RIMS3: variants seen among roughly 807,000 people sequenced by gnomAD.
RIMS3 encodes the protein regulating synaptic membrane exocytosis protein 3.
In RIMS3, 15 loss-of-function variants were observed where a neutral mutation model predicts 29.2. The ratio of observed to expected loss-of-function variants is 0.51; its 90% CI spans 0.34 to 0.79. The LOEUF is 0.79. RIMS3 is among the 30% of genes least tolerant of loss of function. RIMS3 has a pLI of 0.01. For synonymous variants in RIMS3, 161 were observed against 170.1 expected, an observed-to-expected ratio of 0.95 and a Z score of 0.41; for missense variants, 342 against 421.4, an observed-to-expected ratio of 0.81 and a Z score of 1.65.
intron 1 of RIMS3, among the ~76,000 whole-genome samples, chr1:40,655,075 ACT>A (rs1325487891): frequency 6.6e-6 from 1 of 152,098 alleles, no homozygotes; most frequent in East Asian, 1.9e-4. Context: ...GGATAAATCC[ACT>A]GTGTCCTCCG....
At chr1:40,672,546 C>T in the RIMS3 span, among the ~76,000 whole-genome samples, 1 of 152,098 alleles carries the variant, frequency 6.6e-6, no homozygotes, top group Non-Finnish European at 1.5e-5. Flanking sequence ...CATAGGATTC[C>T]AAGTGTTAAG....
At chr1:40,663,700 G>A (rs1336099636) in intron 1 of RIMS3, among the ~76,000 whole-genome samples, 1 of 152,156 alleles carries the variant, frequency 6.6e-6, no homozygotes, top group Non-Finnish European at 1.5e-5. Context: ...GACCAGAAGC[G>A]TCGTTGAGCA....
the RIMS3 span, chr1:40,691,648 G>T: frequency 2.3e-6 from 1 of 434,968 alleles, no homozygotes; most frequent in African/African-American, 2.1e-5. Flanking sequence ...TCTGCGCACC[G>T]CACGATACTG....
chr1:40,648,119 C>G (rs986706939), intron 1 of RIMS3, among the ~76,000 whole-genome samples: 4 of 152,196 alleles, frequency 2.6e-5, no homozygotes, highest in African/African-American at 9.7e-5. Flanking sequence ...GGACCAACTG[C>G]TAAGGAGCTC....
At chr1:40,639,239 G>A (rs1020262961) in intron 3 of RIMS3, among the ~76,000 whole-genome samples, 4 of 152,162 alleles carry the variant, frequency 2.6e-5, no homozygotes, top group Non-Finnish European at 4.4e-5. Context: ...CAGGAGTGGG[G>A]GCACCCTTCT....
At chr1:40,641,043 T>C (rs1030302109) in intron 3 of RIMS3, among the ~76,000 whole-genome samples, 2 of 152,244 alleles carry the variant, frequency 1.3e-5, no homozygotes, top group Non-Finnish European at 2.9e-5. Context: ...TTTGTGTGTG[T>C]CTCCCTTGTG....
chr1:40,676,904 T>C, the RIMS3 span, among the ~76,000 whole-genome samples: 1 of 152,142 alleles, frequency 6.6e-6, no homozygotes. Context: ...CTGGATAATA[T>C]CTATCACTTC....
At chr1:40,661,565 C>G (rs943963808) in intron 1 of RIMS3, among the ~76,000 whole-genome samples, 3 of 152,156 alleles carry the variant, frequency 2.0e-5, no homozygotes, top group African/African-American at 7.2e-5. Flanking sequence ...TGAAACCAGC[C>G]CTGCTCCCAC....
intron 3 of RIMS3, among the ~76,000 whole-genome samples, chr1:40,639,397 T>G (rs749594192): frequency 7.9e-5 from 12 of 152,112 alleles, no homozygotes. Context: ...GAGAAGGAAT[T>G]CTAGATGGAG....
upstream of RIMS3, among the ~76,000 whole-genome samples, chr1:40,670,609 T>TATATATATATATATATATA (rs55692608): frequency 2.8e-3 from 381 of 135,506 alleles, 1 homozygote; most frequent in African/African-American, 3.4e-3. Flanking sequence ...TATATATATA[T>TATATATATATATATATATA]TTGAGATGGA....
chr1:40,689,712 G>A, the RIMS3 span, among the ~76,000 whole-genome samples: 1 of 152,188 alleles, frequency 6.6e-6, no homozygotes, highest in Non-Finnish European at 1.5e-5. Context: ...GGGAAGGGCG[G>A]AGGCTATTGA....
At chr1:40,634,101 G>A (rs1321133524) in intron 4 of RIMS3, among the ~76,000 whole-genome samples, 1 of 152,080 alleles carries the variant, frequency 6.6e-6, no homozygotes, top group Non-Finnish European at 1.5e-5. Context: ...GGGAGGGTTG[G>A]CCCTGCCAAC....
chr1:40,645,495 T>C (rs1646589101), intron 2 of RIMS3, among the ~76,000 whole-genome samples: 1 of 152,092 alleles, frequency 6.6e-6, no homozygotes, highest in Non-Finnish European at 1.5e-5. Flanking sequence ...CAACCAAAAA[T>C]GGAGGCCCGG....
Position 40,622,239 on chromosome 1 carries a change from C to CT in RIMS3, c.*4277dup, listed in dbSNP as rs1464326507. 6.5e-6 allele frequency: 1 copy of CT among 152,732 alleles called. No homozygotes were observed. The highest frequency in any genetic ancestry group is 1.5e-5 in the Non-Finnish European group (1 of 68,080). The allele number at this position is 152,732 out of a possible 1,614,324, so 9.5% of individuals were successfully genotyped here. On this transcript the variant is annotated 3_prime_UTR_variant, in exon 8 of 8. Transcript: ENST00000372684. ...TCTCTTTGGCATCACTGACATTGCTCTGAGATGCTCAGGCACGCTTTTAAA... is the reference window on the plus strand; with the variant it reads ...TCTCTTTGGCATCACTGACATTGCTCTTGAGATGCTCAGGCACGCTTTTAAA...
rs1642246049 is a variant in RIMS3, at chr1:40,654,607, C to T, written c.-206-6765G>A. On this transcript the variant is annotated intron_variant, in intron 1 of 7. Coordinates refer to ENST00000372684, the MANE Select transcript of RIMS3 (RefSeq NM_014747.3). This position sits in a 1 kb window ranked among gnomAD's most constrained non-coding sequence, Gnocchi z 5.3. ...CACAGACTCACATGGCATGGAGATGCAGCTACCACAGACTCACACACATCA... is the reference window on the plus strand; with the variant it reads ...CACAGACTCACATGGCATGGAGATGTAGCTACCACAGACTCACACACATCA... Among the ~76,000 whole-genome samples, 1 of 151,934 alleles carries T rather than the reference C, an allele frequency of 6.6e-6. No individual in the cohort carries two copies. The highest frequency in any genetic ancestry group is 2.1e-4 in the South Asian group (1 of 4,812).
At chr1:40,629,617 C>T (rs1646476965) in intron 5 of RIMS3, among the ~76,000 whole-genome samples, 1 of 152,148 alleles carries the variant, frequency 6.6e-6, no homozygotes, top group African/African-American at 2.4e-5. Flanking sequence ...GACTGGGTAA[C>T]AACAGATGGC....
intron 5 of RIMS3, among the ~76,000 whole-genome samples, chr1:40,632,525 T>C (rs1646496237): frequency 6.7e-6 from 1 of 149,096 alleles, no homozygotes; most frequent in South Asian, 2.1e-4. Context: ...ACTGTACTTA[T>C]AATACCTAAC....
intron 1 of RIMS3, among the ~76,000 whole-genome samples, chr1:40,658,886 G>A (rs1404063296): frequency 6.6e-6 from 1 of 152,200 alleles, no homozygotes; most frequent in Non-Finnish European, 1.5e-5. Flanking sequence ...GCTGGTTTGA[G>A]TGGGTTTCTG....
At position 40,626,532 on chromosome 1, in the gene RIMS3, G is replaced by A; in HGVS notation, c.912C>T (p.Ser304=). Residue 304 remains serine, a synonymous_variant, in exon 8 of 8, where the codon AGC becomes AGT. Transcript: ENST00000372684. ...CCTGACATCCTTAAGAGCATGAGGG[G>A]CTGGTGGCACTCTCCAGGGAAGACT... The part of the protein sequence containing the change: ...LSQSSLESAT[S]PSCS The A allele has an allele frequency of 6.2e-7, 1 of 1,608,820 alleles. No homozygotes were observed. The highest frequency in any genetic ancestry group is 8.5e-7 in the Non-Finnish European group (1 of 1,177,568).
Sources: gnomAD v4.1 joint callset for allele counts (sites outside exome capture counted in the v4.1 genomes callset) on GRCh38, gnomAD v4.1.1 for gene constraint, Gnocchi (gnomAD v3.1) non-coding constraint, MANE v1.5 for transcripts, NCBI Gene and HGNC (gene_info 2026-07-23, HGNC 2026-07-21) for gene names.